The following STPG2 variants were observed in gnomAD, a reference collection of about 807,000 sequenced individuals.
STPG2 encodes the protein sperm tail PG-rich repeat containing 2.
Under a neutral mutation model 54.2 loss-of-function variants are expected in STPG2, and 56 were observed. That is an observed-to-expected ratio of 1.03 (90% CI 0.83 to 1.29). STPG2 has a LOEUF of 1.29. Ranked by LOEUF, STPG2 falls within the 50% of genes most tolerant of loss-of-function variation. The pLI, the probability that STPG2 is intolerant of heterozygous loss-of-function variation, is 0.00. For synonymous variants in STPG2, 200 were observed against 181.8 expected (o/e 1.10, Z -0.81); for missense variants, 596 against 544.9 (o/e 1.09, Z -0.93).
intron 10 of STPG2, among the ~76,000 whole-genome samples, chr4:97,574,006 A>T (rs1401427948): frequency 1.3e-5 from 2 of 152,088 alleles, no homozygotes; most frequent in Non-Finnish European, 2.9e-5. Flanking sequence ...CCCCTCTAGG[A>T]TTCAACAAGT....
chr4:97,650,524 A>G (rs574004773), intron 10 of STPG2, among the ~76,000 whole-genome samples: 11 of 152,214 alleles, frequency 7.2e-5, no homozygotes, highest in African/African-American at 2.6e-4. Flanking sequence ...GTAAATTTAA[A>G]CATTCTCTAG....
chr4:97,595,804 C>T (rs546026065), intron 10 of STPG2, among the ~76,000 whole-genome samples: 1 of 152,142 alleles, frequency 6.6e-6, no homozygotes, highest in South Asian at 2.1e-4. Flanking sequence ...TTACTTGCCA[C>T]CACAAAAACA....
chr4:97,862,942 A>G (rs935416867), intron 8 of STPG2, among the ~76,000 whole-genome samples: 1 of 152,202 alleles, frequency 6.6e-6, no homozygotes, highest in African/African-American at 2.4e-5. Flanking sequence ...GACACATTCA[A>G]AGCAGTGTGT....
intron 8 of STPG2, among the ~76,000 whole-genome samples, chr4:97,886,948 C>T (rs76131795): frequency 0.019 from 2,848 of 152,296 alleles, 41 homozygotes; most frequent in Non-Finnish European, 0.03. Flanking sequence ...CTTGCTCCTG[C>T]TACACCACAT....
At chr4:97,893,311 T>A (rs1578661597) in intron 8 of STPG2, 1 of 152,076 alleles carries the variant, frequency 6.6e-6, no homozygotes, top group East Asian at 1.9e-4. Flanking sequence ...CAAAATGATA[T>A]TTTTGGACTG....
chr4:97,489,809 A>G (rs1578339013), intron 4 of STPG2: 1 of 151,320 alleles, frequency 6.6e-6, no homozygotes, highest in African/African-American at 2.4e-5. Flanking sequence ...CTCTACCCCG[A>G]AATGTAAGTG....
chr4:98,088,568 C>A (rs2110123804), intron 5 of STPG2, among the ~76,000 whole-genome samples: 1 of 148,458 alleles, frequency 6.7e-6, no homozygotes, highest in Admixed American at 6.8e-5. Context: ...TATTTAAAAT[C>A]ATAAACCTAG....
chr4:97,683,457 T>C (rs939137117), intron 10 of STPG2, among the ~76,000 whole-genome samples: 2 of 151,844 alleles, frequency 1.3e-5, no homozygotes, highest in Non-Finnish European at 3.0e-5. Context: ...TAAATACCAC[T>C]AGTGTGATTG....
intron 10 of STPG2, among the ~76,000 whole-genome samples, chr4:97,700,543 T>C (rs1723739165): frequency 6.6e-6 from 1 of 152,294 alleles, no homozygotes; most frequent in Admixed American, 6.5e-5. Context: ...AGTCCCTGAA[T>C]TTTAGTCAGA....
At chr4:97,573,415 G>C (rs1277432960) in intron 10 of STPG2, among the ~76,000 whole-genome samples, 1 of 151,894 alleles carries the variant, frequency 6.6e-6, no homozygotes, top group African/African-American at 2.4e-5. Flanking sequence ...CAAATAAAAC[G>C]AGATAGCTTT....
At chr4:97,593,134 C>T (rs1005634922) in intron 10 of STPG2, among the ~76,000 whole-genome samples, 7 of 152,116 alleles carry the variant, frequency 4.6e-5, no homozygotes, top group African/African-American at 1.4e-4. Flanking sequence ...AGATGCCCAA[C>T]TAGGGTGCTT....
intron 10 of STPG2, among the ~76,000 whole-genome samples, chr4:97,610,863 A>G (rs1350301901): frequency 6.6e-6 from 1 of 152,068 alleles, no homozygotes; most frequent in Admixed American, 6.6e-5. Context: ...AAATAGTGCA[A>G]CTGCGTTGTG....
intron 3 of STPG2, among the ~76,000 whole-genome samples, chr4:98,114,227 A>G (rs1739443523): frequency 6.6e-6 from 1 of 152,238 alleles, no homozygotes; most frequent in African/African-American, 2.4e-5. Flanking sequence ...GTACATAGGC[A>G]GTTTTGATGG....
intron 9 of STPG2, among the ~76,000 whole-genome samples, chr4:97,773,475 C>T (rs1253643868): frequency 1.3e-5 from 2 of 151,998 alleles, no homozygotes; most frequent in African/African-American, 4.8e-5. Flanking sequence ...CCATGCCTGG[C>T]TAAATGTTTT....
At chr4:97,879,968 A>C (rs1730311179) in intron 8 of STPG2, among the ~76,000 whole-genome samples, 1 of 152,214 alleles carries the variant, frequency 6.6e-6, no homozygotes, top group Admixed American at 6.5e-5. Flanking sequence ...AAAGGAACTG[A>C]AATGGTTATG....
At chr4:98,096,126 G>A (rs544726137) in intron 5 of STPG2, among the ~76,000 whole-genome samples, 1 of 152,282 alleles carries the variant, frequency 6.6e-6, no homozygotes, top group African/African-American at 2.4e-5. Flanking sequence ...TGAGCATGGT[G>A]GCTCACACCT....
At chr4:97,678,622 A>G (rs1331348063) in intron 10 of STPG2, among the ~76,000 whole-genome samples, 1 of 151,116 alleles carries the variant, frequency 6.6e-6, no homozygotes, top group Non-Finnish European at 1.5e-5. Flanking sequence ...GACTTCTTTT[A>G]TTTTATTTTA....
At chr4:98,109,385 G>A (rs1413938792) in intron 3 of STPG2, 80 bp from the exon 4 acceptor site, 8 of 1,061,128 alleles carry the variant, frequency 7.5e-6, no homozygotes, top group Non-Finnish European at 1.1e-5. Context: ...CTTTACCTAA[G>A]TCTAAATCTA....
chr4:98,124,791 C>T (rs1226306514), intron 3 of STPG2, among the ~76,000 whole-genome samples: 1 of 152,154 alleles, frequency 6.6e-6, no homozygotes, highest in Admixed American at 6.5e-5. Flanking sequence ...GTTCCATTCT[C>T]CCCATCTCTT....
Sources: gnomAD v4.1 joint callset for allele counts (sites outside exome capture counted in the v4.1 genomes callset) on GRCh38, gnomAD v4.1.1 for gene constraint, MANE v1.5 for transcripts, NCBI Gene and HGNC (gene_info 2026-07-23, HGNC 2026-07-21) for gene names.